The following ENTREP2 variants were observed in gnomAD, a reference collection of about 807,000 sequenced individuals.
ENTREP2 encodes the protein protein ENTREP2.
the ENTREP2 span, among the ~76,000 whole-genome samples, chr15:29,600,902 C>CCTTTTTT: frequency 1.6e-5 from 2 of 123,620 alleles, no homozygotes; most frequent in African/African-American, 7.2e-5. Context: ...ATTTTTCTTT[C>CCTTTTTT]TTTTTTTTTT....
At chr15:29,312,372 G>C in the ENTREP2 span, among the ~76,000 whole-genome samples, 2 of 151,926 alleles carry the variant, frequency 1.3e-5, no homozygotes, top group African/African-American at 2.4e-5. Context: ...AAGAAAGCTG[G>C]TTGTATAATA....
At chr15:29,556,147 C>CT in the ENTREP2 span, among the ~76,000 whole-genome samples, 1 of 152,220 alleles carries the variant, frequency 6.6e-6, no homozygotes, top group Non-Finnish European at 1.5e-5. Flanking sequence ...GCCCCAGCTA[C>CT]TTGGGAGACT....
At chr15:29,566,465 A>AT in the ENTREP2 span, among the ~76,000 whole-genome samples, 73 of 136,654 alleles carry the variant, frequency 5.3e-4, no homozygotes, top group African/African-American at 1.8e-3. Context: ...CACCCAACCT[A>AT]TTTTTTTTGA....
chr15:29,133,569 A>T, the ENTREP2 span, among the ~76,000 whole-genome samples: 4 of 152,196 alleles, frequency 2.6e-5, no homozygotes, highest in African/African-American at 7.2e-5. Flanking sequence ...ATGGTGCGCC[A>T]CGTGGCCCTG....
chr15:29,546,270 T>C, the ENTREP2 span, among the ~76,000 whole-genome samples: 2 of 151,798 alleles, frequency 1.3e-5, no homozygotes, highest in African/African-American at 2.4e-5. Flanking sequence ...TACCACACAG[T>C]GGAAGGAAAG....
chr15:29,460,609 C>T, the ENTREP2 span, among the ~76,000 whole-genome samples: 7 of 152,152 alleles, frequency 4.6e-5, no homozygotes, highest in Admixed American at 2.0e-4. Context: ...CCAGCCTGGG[C>T]GACAGAGTGA....
the ENTREP2 span, chr15:29,381,666 G>T: frequency 1.2e-6 from 1 of 854,060 alleles, no homozygotes; most frequent in Non-Finnish European, 1.8e-6. Flanking sequence ...TCTGCTTCCC[G>T]CTGCCTGAAA....
At chr15:29,535,383 A>G in the ENTREP2 span, among the ~76,000 whole-genome samples, 3 of 150,672 alleles carry the variant, frequency 2.0e-5, no homozygotes, top group Non-Finnish European at 4.4e-5. Flanking sequence ...TTTCAGTGTG[A>G]ATAAAAACTA....
chr15:29,360,051 A>G, the ENTREP2 span, among the ~76,000 whole-genome samples: 3 of 152,206 alleles, frequency 2.0e-5, no homozygotes, highest in Non-Finnish European at 2.9e-5. Flanking sequence ...GTACGTAGAG[A>G]GAGTTCCTCA....
chr15:29,405,832 A>T, the ENTREP2 span, among the ~76,000 whole-genome samples: 1 of 152,250 alleles, frequency 6.6e-6, no homozygotes, highest in South Asian at 2.1e-4. Flanking sequence ...CTTTGTGCCC[A>T]TGCTCCTGAC....
At chr15:29,492,777 G>T in the ENTREP2 span, among the ~76,000 whole-genome samples, 1 of 152,106 alleles carries the variant, frequency 6.6e-6, no homozygotes, top group Non-Finnish European at 1.5e-5. Flanking sequence ...GCCAAAGCAG[G>T]TAGATCACCT....
the ENTREP2 span, among the ~76,000 whole-genome samples, chr15:29,417,183 G>C: frequency 2.6e-5 from 4 of 152,296 alleles, no homozygotes; most frequent in East Asian, 7.7e-4. Context: ...CTGCTATAAA[G>C]ACACATGCAC....
chr15:29,286,357 C>T, the ENTREP2 span, among the ~76,000 whole-genome samples: 3 of 152,182 alleles, frequency 2.0e-5, no homozygotes, highest in African/African-American at 4.8e-5. Context: ...CATACATCAG[C>T]TTTATTTCTA....
the ENTREP2 span, among the ~76,000 whole-genome samples, chr15:29,197,809 A>C: frequency 6.6e-6 from 1 of 152,126 alleles, no homozygotes; most frequent in Non-Finnish European, 1.5e-5. Context: ...TTTTATTCAA[A>C]ATAACACTGA....
chr15:29,360,785 G>A, the ENTREP2 span, among the ~76,000 whole-genome samples: 1 of 152,174 alleles, frequency 6.6e-6, no homozygotes, highest in Non-Finnish European at 1.5e-5. Context: ...GGGGCAAAAA[G>A]AGTCCCTATC....
chr15:29,630,177 T>C, the ENTREP2 span, among the ~76,000 whole-genome samples: 517 of 152,248 alleles, frequency 3.4e-3, 1 homozygote, highest in African/African-American at 0.012. Flanking sequence ...GGCAACAAAT[T>C]CTATTCCTTT....
chr15:29,406,863 C>T, the ENTREP2 span, among the ~76,000 whole-genome samples: 1 of 152,204 alleles, frequency 6.6e-6, no homozygotes, highest in South Asian at 2.1e-4. Flanking sequence ...AATATAGCAA[C>T]AACCCACCTT....
chr15:29,622,900 T>C, the ENTREP2 span, among the ~76,000 whole-genome samples: 1 of 152,254 alleles, frequency 6.6e-6, no homozygotes, highest in East Asian at 1.9e-4. Flanking sequence ...AGGCTTGTCA[T>C]AGTGATATGC....
At chr15:29,600,687 G>C in the ENTREP2 span, among the ~76,000 whole-genome samples, 1 of 152,060 alleles carries the variant, frequency 6.6e-6, no homozygotes, top group African/African-American at 2.4e-5. Context: ...GCCGGGGCCA[G>C]TCTCAAACTC....
Sources: gnomAD v4.1 joint callset for allele counts (sites outside exome capture counted in the v4.1 genomes callset) on GRCh38, gnomAD v4.1.1 for gene constraint, MANE v1.5 for transcripts, NCBI Gene and HGNC (gene_info 2026-07-23, HGNC 2026-07-21) for gene names.